GUCY1A1: variants seen among roughly 807,000 people sequenced by gnomAD.
GUCY1A1 encodes the protein guanylate cyclase soluble subunit alpha-1.
GUCY1A1 carries 48 observed loss-of-function variants against 64.5 expected under a neutral mutation model. The observed-to-expected ratio is 0.74, with a 90% CI of 0.59 to 0.95. The LOEUF (loss-of-function observed/expected upper bound fraction) is 0.95. Among genes scored for constraint, GUCY1A1 ranks in the 40% least tolerant of loss-of-function variants. The probability of loss-of-function intolerance (pLI) is 0.00; values close to 1 mark genes in which losing one functional copy is unlikely to be tolerated. For missense variants in GUCY1A1, 804 were observed against 825.3 expected (o/e 0.97, Z 0.32); for synonymous variants, 308 against 303.4 (o/e 1.02, Z -0.16).
rs546635763 is a variant in GUCY1A1, at chr4:155,701,766, C to T, written c.256-2166C>T. Among the ~76,000 whole-genome samples the T allele has an allele frequency of 2.1e-5, 3 of 146,140 alleles. No homozygotes were observed. In the South Asian group the frequency reaches 6.5e-4, roughly 32 times the overall value. On this transcript the variant is annotated intron_variant, in intron 3 of 9. Transcript: ENST00000506455. ...CTGTAGTGAACTGTGATCACCACTG[C>T]ACTCCAGCCTGGATGACAGAGCAAA...
rs769372078 is a variant in GUCY1A1, at chr4:155,730,205, T to G, written c.2047T>G (p.Leu683Val). Residue 683 changes from leucine (L) to valine (V), a missense_variant, in exon 10 of 10, where the codon TTA becomes GTA. By Grantham distance (32) the Leu-to-Val change is conservative. Coordinates refer to ENST00000506455, the MANE Select transcript of GUCY1A1 (RefSeq NM_001130682.3). Reference sequence around the variant, plus strand: ...TGTGGAAGATGGCAATGCCAATTTTTTAGGCAAAGCATCAGGAATAGATTA... The same window carrying G: ...TGTGGAAGATGGCAATGCCAATTTTGTAGGCAAAGCATCAGGAATAGATTA... Reference protein sequence around the residue: ...KDVEDGNANFLGKASGID With the variant: ...KDVEDGNANFVGKASGID 1 of 1,610,292 alleles carries G rather than the reference T, an allele frequency of 6.2e-7. No homozygotes were observed. Among genetic ancestry groups the G allele is most frequent in the South Asian group, 1.1e-5 (1 of 90,994 alleles).
At chr4:155,692,001 C>G (rs1055996714) in intron 2 of GUCY1A1, among the ~76,000 whole-genome samples, 6 of 152,004 alleles carry the variant, frequency 3.9e-5, no homozygotes, top group Non-Finnish European at 8.8e-5. Flanking sequence ...TGTGTCCATG[C>G]GTTCTCATTG....
chr4:155,672,202 G>A (rs1734243414), intron 2 of GUCY1A1, among the ~76,000 whole-genome samples: 1 of 152,070 alleles, frequency 6.6e-6, no homozygotes, highest in Non-Finnish European at 1.5e-5. Flanking sequence ...AGAAAGTCAA[G>A]GTCATCTTGG....
At chr4:155,688,961 G>A (rs931047550) in intron 2 of GUCY1A1, among the ~76,000 whole-genome samples, 5 of 151,584 alleles carry the variant, frequency 3.3e-5, no homozygotes, top group Admixed American at 1.3e-4. Flanking sequence ...GCTGAGTTAT[G>A]GAGACAAGAG....
At chr4:155,690,195 A>C (rs1729548368) in intron 2 of GUCY1A1, among the ~76,000 whole-genome samples, 1 of 152,196 alleles carries the variant, frequency 6.6e-6, no homozygotes, top group Non-Finnish European at 1.5e-5. Flanking sequence ...TTGATTGTGC[A>C]CTATGGTCCC....
intron 2 of GUCY1A1, among the ~76,000 whole-genome samples, chr4:155,681,579 C>G (rs1329562594): frequency 6.6e-6 from 1 of 152,192 alleles, no homozygotes; most frequent in Non-Finnish European, 1.5e-5. Context: ...TCTCAGTCCT[C>G]CTTACCCTCT....
chr4:155,676,154 TAAAGAG>T (rs141654038), intron 2 of GUCY1A1, among the ~76,000 whole-genome samples: 76,907 of 150,240 alleles, frequency 0.51, 21,211 homozygotes, highest in East Asian at 0.83. Context: ...CTTTTTAAAG[TAAAGAG>T]AAAAAGGAAA....
intron 3 of GUCY1A1, among the ~76,000 whole-genome samples, chr4:155,699,346 A>G (rs931287210): frequency 1.1e-4 from 17 of 152,178 alleles, no homozygotes; most frequent in African/African-American, 4.1e-4. Context: ...CTGAAGAGCC[A>G]TACAGGCTGC....
At chr4:155,716,880 G>C (rs1425433189) in intron 7 of GUCY1A1, among the ~76,000 whole-genome samples, 1 of 152,098 alleles carries the variant, frequency 6.6e-6, no homozygotes, top group African/African-American at 2.4e-5. Context: ...GAGATGAAAT[G>C]ATATGATGAG....
At position 155,708,348 on chromosome 4, in the gene GUCY1A1, C is replaced by T. The variant is rs1018406186; in HGVS notation, c.376+54C>T. The T allele has an allele frequency of 9.2e-6, 8 of 866,970 alleles. No homozygotes were observed. In the African/African-American group the frequency reaches 1.2e-4, roughly 13 times the overall value. The allele number at this position is 866,970 out of a possible 1,614,324, so 53.7% of individuals were successfully genotyped here. On this transcript the variant is annotated intron_variant, in intron 5 of 9. Transcript: ENST00000506455. The stretch of plus-strand genomic sequence containing the variant: ...GTATGCCATATACCTGTAGAACTCA[C>T]ATTTTCTCCAAAAATATTCATATTT...
chr4:155,670,432 A>G lies in GUCY1A1; in HGVS notation c.-113+3013A>G, dbSNP rs549958825. Among the ~76,000 whole-genome samples, 18 of 152,310 alleles carry G rather than the reference A, an allele frequency of 1.2e-4. No individual in the cohort carries two copies. In the South Asian group the frequency reaches 3.7e-3, roughly 32 times the overall value. On this transcript the variant is annotated intron_variant, in intron 2 of 9. Transcript: ENST00000506455. ...TGAAGTAATTTCCTGGCTATCCTGA[A>G]TCATATCTGCTTCTTTTATTTTCTT...
intron 7 of GUCY1A1, among the ~76,000 whole-genome samples, chr4:155,714,522 C>T (rs1732983860): frequency 6.6e-6 from 1 of 152,144 alleles, no homozygotes; most frequent in African/African-American, 2.4e-5. Context: ...AAAGTTTTTA[C>T]TGATTTAAAT....
intron 8 of GUCY1A1, 106 bp from the exon 9 acceptor site, chr4:155,721,932 T>C: frequency 3.8e-6 from 3 of 799,944 alleles, no homozygotes; most frequent in Non-Finnish European, 6.4e-6. Context: ...AGGGGTGGTG[T>C]CCTGAGGGTG....
chr4:155,689,859 CT>C (rs1159948556), intron 2 of GUCY1A1, among the ~76,000 whole-genome samples: 1 of 152,172 alleles, frequency 6.6e-6, no homozygotes, highest in Non-Finnish European at 1.5e-5. Flanking sequence ...GTTGACCTCT[CT>C]GTTTTGGGAG....
intron 8 of GUCY1A1, among the ~76,000 whole-genome samples, chr4:155,719,581 C>CT (rs1003285561): frequency 3.3e-5 from 5 of 152,092 alleles, no homozygotes; most frequent in Non-Finnish European, 5.9e-5. Flanking sequence ...AAAATATTTT[C>CT]TTTTTTTATT....
intron 9 of GUCY1A1, among the ~76,000 whole-genome samples, chr4:155,729,502 A>T (rs1469649574): frequency 3.9e-5 from 6 of 151,962 alleles, no homozygotes; most frequent in East Asian, 1.9e-4. Context: ...AGTCCTACTA[A>T]TCTAGAATTC....
In GUCY1A1 at chr4:155,718,927, T is replaced by G. The variant is rs192508479; in HGVS notation, c.1716+1625T>G. On this transcript the variant is annotated intron_variant, in intron 8 of 9. Transcript: ENST00000506455. ...ACAATATCTGACTTTTTCAGATTTA[T>G]TTTCGATAATTGCATTTTTTTAGAG... 2.0e-5 allele frequency among the ~76,000 whole-genome samples: 3 copies of G among 152,314 alleles called. No homozygotes were observed. The East Asian group carries it at 5.8e-4, about 29-fold the overall frequency.
intron 9 of GUCY1A1, among the ~76,000 whole-genome samples, chr4:155,724,029 C>T (rs1734333237): frequency 6.6e-6 from 1 of 152,082 alleles, no homozygotes; most frequent in Admixed American, 6.6e-5. Context: ...AATCTTGCCT[C>T]ATATTTCACC....
chr4:155,695,908 C>A (rs1730346942), intron 2 of GUCY1A1, among the ~76,000 whole-genome samples: 1 of 152,212 alleles, frequency 6.6e-6, no homozygotes, highest in South Asian at 2.1e-4. Context: ...CTTGACAGTT[C>A]CAGTAACAAA....
Sources: allele counts gnomAD v4.1 joint callset (sites outside exome capture counted in the v4.1 genomes callset), GRCh38; gene constraint gnomAD v4.1.1; transcripts MANE v1.5; gene names NCBI Gene and HGNC (gene_info 2026-07-23, HGNC 2026-07-21).